Variants in MYO3B observed in about 807,000 individuals in gnomAD.
MYO3B encodes myosin IIIB.
MYO3B carries 156 observed loss-of-function variants against 174.6 expected under a neutral mutation model. The ratio of observed to expected loss-of-function variants is 0.89; its 90% confidence interval spans 0.78 to 1.02. The LOEUF (loss-of-function observed/expected upper bound fraction) is 1.02, where lower values mean the gene tolerates loss of function less well. Ranked by LOEUF, MYO3B falls within the 50% of genes least tolerant of loss-of-function variation. The pLI, the probability that MYO3B is intolerant of heterozygous loss-of-function variation, is 0.00. For synonymous variants in MYO3B, 563 were observed against 569.1 expected (o/e 0.99, Z 0.15); for missense variants, 1,632 against 1,639.4 (o/e 1.00, Z 0.08).
chr2:170,640,589 TTTC>T (rs1336028354), intron 32 of MYO3B: 1 of 152,224 alleles, frequency 6.6e-6, no homozygotes, highest in Non-Finnish European at 1.5e-5. Flanking sequence ...TTTTACATAA[TTTC>T]TTATGTAAAA....
At chr2:170,549,189 C>G (rs1210671140) in intron 32 of MYO3B, among the ~76,000 whole-genome samples, 1 of 152,202 alleles carries the variant, frequency 6.6e-6, no homozygotes, top group African/African-American at 2.4e-5. Context: ...TTAAAGAACC[C>G]TCACTACCTG....
intron 24 of MYO3B, among the ~76,000 whole-genome samples, chr2:170,464,344 CAAAAA>C (rs55671996): frequency 1.6e-4 from 16 of 98,166 alleles, no homozygotes; most frequent in African/African-American, 3.5e-4. Context: ...GACTCCCTCT[CAAAAA>C]AAAAAAAAAA....
At chr2:170,494,727 C>CAAAAAAAAAAAAAAAAAAAAAAAAGAAA (rs3066990) in intron 25 of MYO3B, among the ~76,000 whole-genome samples, 1 of 92,036 alleles carries the variant, frequency 1.1e-5, no homozygotes, top group Non-Finnish European at 2.1e-5. Flanking sequence ...AACTGCGTCT[C>CAAAAAAAAAAAAAAAAAAAAAAAAGAAA]AAAAAAAAAA....
At chr2:170,391,723 C>A in intron 15 of MYO3B, 105 bp downstream of exon 15, 1 of 682,554 alleles carries the variant, frequency 1.5e-6, no homozygotes, top group Non-Finnish European at 2.5e-6. Context: ...AACTCACAGT[C>A]TATTTAACTA....
chr2:170,487,435 C>T (rs1486456593), intron 25 of MYO3B, among the ~76,000 whole-genome samples: 2 of 152,166 alleles, frequency 1.3e-5, no homozygotes, highest in Non-Finnish European at 1.5e-5. Flanking sequence ...TCTGCCCATG[C>T]CTGATACATC....
At chr2:170,525,490 T>G (rs76990010) in intron 30 of MYO3B, among the ~76,000 whole-genome samples, 3,213 of 152,292 alleles carry the variant, frequency 0.021, 100 homozygotes, top group African/African-American at 0.071. Context: ...CTAGCCTGTT[T>G]TTGTGTAAAA....
chr2:170,648,396 G>A (rs1559199287), intron 32 of MYO3B, among the ~76,000 whole-genome samples: 1 of 151,968 alleles, frequency 6.6e-6, no homozygotes, highest in Non-Finnish European at 1.5e-5. Context: ...TTGGGAGGCT[G>A]AGCTGGGCAG....
At chr2:170,290,119 C>A (rs1221656932) in intron 7 of MYO3B, among the ~76,000 whole-genome samples, 1 of 151,876 alleles carries the variant, frequency 6.6e-6, no homozygotes, top group Non-Finnish European at 1.5e-5. Context: ...GTTTTTTGGC[C>A]TAAGCTGTGA....
In MYO3B at chr2:170,200,265, A is replaced by T. The variant is rs2092646374; in HGVS notation, c.302A>T (p.Gln101Leu). The change falls in exon 3 of 35, where the codon CAG becomes CTG. Residue 101 changes from glutamine (Q) to leucine (L), a missense_variant. Gln to Leu is a moderately radical substitution (Grantham distance 113). Coordinates refer to ENST00000408978, the MANE Select transcript of MYO3B (RefSeq NM_138995.5). ...AAAGCGGATCACTGTGTAGGGGGAC[A>T]GCTGTGGCTGGTCCTGGAGGTAAGA... ...FYKADHCVGG[Q>L]LWLVLELCNG... 6.2e-7 allele frequency: 1 copy of T among 1,612,244 alleles called. No homozygotes were observed. Among genetic ancestry groups the T allele is most frequent in the Admixed American group, 1.7e-5 (1 of 59,772 alleles).
intron 6 of MYO3B, among the ~76,000 whole-genome samples, chr2:170,227,469 G>GAGAC (rs1191394885): frequency 1.6e-3 from 1 of 618 alleles, no homozygotes; most frequent in Non-Finnish European, 8.6e-3. Context: ...ATTTTTAGTA[G>GAGAC]AGACAGGGTT....
chr2:170,305,552 G>A (rs1287368294), intron 7 of MYO3B, among the ~76,000 whole-genome samples: 2 of 151,974 alleles, frequency 1.3e-5, no homozygotes, highest in African/African-American at 4.8e-5. Flanking sequence ...ATAATAATGG[G>A]GAGAAAGAGA....
chr2:170,397,947 C>T (rs914417323), intron 16 of MYO3B, among the ~76,000 whole-genome samples: 1 of 152,114 alleles, frequency 6.6e-6, no homozygotes, highest in African/African-American at 2.4e-5. Context: ...CTCTGCTGGG[C>T]GTGGTGGCTC....
chr2:170,442,837 C>A (rs2094811953), intron 22 of MYO3B, among the ~76,000 whole-genome samples: 1 of 152,266 alleles, frequency 6.6e-6, no homozygotes, highest in East Asian at 1.9e-4. Context: ...TGAACTCATC[C>A]TTTTTTATGG....
At chr2:170,635,019 G>A (rs924204474) in intron 32 of MYO3B, among the ~76,000 whole-genome samples, 2 of 152,230 alleles carry the variant, frequency 1.3e-5, no homozygotes, top group African/African-American at 4.8e-5. Context: ...TGGTGGGAGT[G>A]CAAACTAGTT....
intron 7 of MYO3B, among the ~76,000 whole-genome samples, chr2:170,271,256 G>A (rs2093423218): frequency 6.6e-6 from 1 of 152,176 alleles, no homozygotes; most frequent in African/African-American, 2.4e-5. Context: ...CCTTTAACTG[G>A]AAAGCAGCAT....
intron 7 of MYO3B, among the ~76,000 whole-genome samples, chr2:170,326,402 C>A (rs1370429092): frequency 1.3e-5 from 2 of 152,132 alleles, no homozygotes; most frequent in East Asian, 3.8e-4. Context: ...ATGTGAAGGA[C>A]CACCTAGGAA....
intron 22 of MYO3B, among the ~76,000 whole-genome samples, chr2:170,434,383 A>G (rs532997004): frequency 5.9e-5 from 9 of 152,190 alleles, no homozygotes; most frequent in Non-Finnish European, 1.0e-4. Context: ...GTACTTCTGT[A>G]TAGAAGGGTT....
intron 22 of MYO3B, among the ~76,000 whole-genome samples, chr2:170,409,172 T>C (rs914870483): frequency 6.6e-6 from 1 of 152,238 alleles, no homozygotes; most frequent in African/African-American, 2.4e-5. Flanking sequence ...GTTCACAACT[T>C]CGGAATTTCC....
chr2:170,205,138 T>G (rs2092701328), intron 3 of MYO3B, among the ~76,000 whole-genome samples: 1 of 152,192 alleles, frequency 6.6e-6, no homozygotes, highest in Non-Finnish European at 1.5e-5. Context: ...CAAAAAGCAC[T>G]GGCTGGGTAA....
Sources: gnomAD v4.1 joint callset for allele counts (sites outside exome capture counted in the v4.1 genomes callset) on GRCh38, gnomAD v4.1.1 for gene constraint, MANE v1.5 for transcripts, NCBI Gene and HGNC (gene_info 2026-07-23, HGNC 2026-07-21) for gene names.